Variants in RFTN1 observed in about 807,000 individuals in gnomAD.
RFTN1 encodes raftlin, lipid raft linker 1.
Under a neutral mutation model 46.5 loss-of-function variants are expected in RFTN1, and 26 were observed. The observed-to-expected ratio is 0.56, with a 90% confidence interval of 0.41 to 0.78. The LOEUF (loss-of-function observed/expected upper bound fraction) is 0.78. Ranked by LOEUF, RFTN1 falls within the 30% of genes least tolerant of loss-of-function variation. The probability of loss-of-function intolerance (pLI) is 0.00; values close to 1 mark genes in which losing one functional copy is unlikely to be tolerated. For missense variants in RFTN1, 693 were observed against 718.7 expected (o/e 0.96, Z 0.41); for synonymous variants, 261 against 284.2 (o/e 0.92, Z 0.82).
chr3:16,318,545 C>T (rs776248144), intron 9 of RFTN1, among the ~76,000 whole-genome samples: 11 of 152,124 alleles, frequency 7.2e-5, no homozygotes, highest in African/African-American at 1.7e-4. Context: ...TAGTTTTCCA[C>T]GGTAGAGATC....
chr3:16,353,530 G>T lies in RFTN1; in HGVS notation c.1146+4402C>A, dbSNP rs1312660927. ...CAGCAGCTCACTTGAAAATGTTTTA[G>T]AAATGAAAATTCTTGGGCCCCATCT... On this transcript the variant is annotated intron_variant, in intron 7 of 9. Transcript: ENST00000334133. This position sits in a 1 kb window ranked among gnomAD's most constrained non-coding sequence, Gnocchi z 5.4. Among the ~76,000 whole-genome samples, 1 of 152,182 alleles carries T rather than the reference G, an allele frequency of 6.6e-6. No homozygotes were observed. The highest frequency in any genetic ancestry group is 1.5e-5 in the Non-Finnish European group (1 of 68,024).
intron 1 of RFTN1, among the ~76,000 whole-genome samples, chr3:16,495,397 C>T (rs1394409305): frequency 6.6e-6 from 1 of 152,230 alleles, no homozygotes; most frequent in African/African-American, 2.4e-5. Context: ...CCCAAAGGCT[C>T]GCCAAGTCAC....
At chr3:16,493,899 C>G in intron 1 of RFTN1, 22 bp from the exon 2 acceptor site, 1 of 1,612,026 alleles carries the variant, frequency 6.2e-7, no homozygotes, top group Non-Finnish European at 8.5e-7. Flanking sequence ...AGGAAAAAGG[C>G]GGGGAGGTGA....
intron 4 of RFTN1, among the ~76,000 whole-genome samples, chr3:16,404,310 ATAT>A (rs374846383): frequency 2.6e-5 from 1 of 38,580 alleles, no homozygotes; most frequent in African/African-American, 1.6e-4. Flanking sequence ...TATGTAATAT[ATAT>A]TATATATAAT....
At chr3:16,333,854 C>G (rs1254445319) in intron 7 of RFTN1, among the ~76,000 whole-genome samples, 2 of 152,280 alleles carry the variant, frequency 1.3e-5, no homozygotes, top group East Asian at 3.9e-4. Context: ...AATGCAGAAT[C>G]TCATAAGAAA....
intron 2 of RFTN1, among the ~76,000 whole-genome samples, chr3:16,461,493 G>A (rs1273125228): frequency 6.6e-6 from 1 of 152,090 alleles, no homozygotes; most frequent in Non-Finnish European, 1.5e-5. Context: ...TAAATACCTA[G>A]GGTTTTTCTG....
At position 16,335,248 on chromosome 3, in the gene RFTN1, G is replaced by C. The variant is rs371439097; in HGVS notation, c.1147-8372C>G. 6.6e-6 allele frequency among the ~76,000 whole-genome samples: 1 copy of C among 152,192 alleles called. No homozygotes were observed. Among genetic ancestry groups the C allele is most frequent in the African/African-American group, 2.4e-5 (1 of 41,448 alleles). On this transcript the variant is annotated intron_variant, in intron 7 of 9. Transcript: ENST00000334133. This position sits in a 1 kb window ranked among gnomAD's most constrained non-coding sequence, Gnocchi z 4.7. ...AGGTGCTGACAGATGCAGGGTAGGT[G>C]AAAACTCCTGGAGGGATGAGGCTGG... is the stretch of plus-strand genomic sequence containing the variant.
Position 16,320,788 on chromosome 3 carries a change from G to A in RFTN1, c.1332+2588C>T, listed in dbSNP as rs967238559. Among the ~76,000 whole-genome samples, 1 of 152,216 alleles carries A rather than the reference G, an allele frequency of 6.6e-6. No homozygotes were observed. The highest frequency in any genetic ancestry group is 2.4e-5 in the African/African-American group (1 of 41,460). The stretch of plus-strand genomic sequence containing the variant: ...CCACAGAGAATGGGAGGCTGGCAGA[G>A]GAGGTAAGAGGGACCAGATCCCTTG... On this transcript the variant is annotated intron_variant, in intron 9 of 9. Coordinates refer to ENST00000334133, the MANE Select transcript of RFTN1 (RefSeq NM_015150.2). The surrounding 1 kb of genome is among the most constrained non-coding windows in gnomAD (Gnocchi z 4.5).
intron 4 of RFTN1, among the ~76,000 whole-genome samples, chr3:16,398,244 C>CAAAAAAAAAAAAAAAAAAAAAA (rs202032095): frequency 8.1e-5 from 9 of 110,942 alleles, no homozygotes; most frequent in African/African-American, 2.3e-4. Flanking sequence ...AAGACTGTCT[C>CAAAAAAAAAAAAAAAAAAAAAA]AAAAAAAAAA....
intron 2 of RFTN1, among the ~76,000 whole-genome samples, chr3:16,455,015 G>T (rs2075881268): frequency 6.6e-6 from 1 of 152,194 alleles, no homozygotes; most frequent in Non-Finnish European, 1.5e-5. Context: ...CTCCCATGAA[G>T]ATCCCAGGTC....
Position 16,342,846 on chromosome 3 carries a change from A to AT in RFTN1, c.1146+15085dup, listed in dbSNP as rs1204225413. Among the ~76,000 whole-genome samples, 5 of 152,176 alleles carry AT rather than the reference A, an allele frequency of 3.3e-5. No individual in the cohort carries two copies. In the East Asian group the frequency reaches 9.7e-4, roughly 29 times the overall value. Reference sequence around the variant, plus strand: ...TCCAGTGGCTGCTAGGCCTGGCTGAATTTTTTACATGCAGTTCCCTAATCT... The same window carrying AT: ...TCCAGTGGCTGCTAGGCCTGGCTGAATTTTTTTACATGCAGTTCCCTAATCT... On this transcript the variant is annotated intron_variant, in intron 7 of 9. Transcript: ENST00000334133. The surrounding 1 kb of genome is among the most constrained non-coding windows in gnomAD (Gnocchi z 4.0).
intron 1 of RFTN1, among the ~76,000 whole-genome samples, chr3:16,502,696 C>T (rs771926905): frequency 9.2e-5 from 14 of 152,252 alleles, no homozygotes; most frequent in Admixed American, 5.2e-4. Context: ...AACGAGGCCT[C>T]CTGCCAACAG....
At chr3:16,453,538 C>T (rs2075854605) in intron 2 of RFTN1, among the ~76,000 whole-genome samples, 1 of 152,240 alleles carries the variant, frequency 6.6e-6, no homozygotes, top group Non-Finnish European at 1.5e-5. Context: ...CATCAATAGT[C>T]AGCTTCTTGG....
intron 2 of RFTN1, chr3:16,454,920 A>G: frequency 3.1e-6 from 1 of 322,686 alleles, no homozygotes; most frequent in Non-Finnish European, 4.5e-6. Context: ...TGAAAAAACA[A>G]AAACAAAGGA....
chr3:16,389,905 A>G (rs1301925957), intron 4 of RFTN1, among the ~76,000 whole-genome samples: 1 of 152,212 alleles, frequency 6.6e-6, no homozygotes, highest in East Asian at 1.9e-4. Flanking sequence ...TCAGAATTCC[A>G]TGAACTTCTA....
Position 16,499,633 on chromosome 3 carries a change from A to G in RFTN1, c.-8-5756T>C, listed in dbSNP as rs2076678821. Among the ~76,000 whole-genome samples, 1 of 152,230 alleles carries G rather than the reference A, an allele frequency of 6.6e-6. No homozygotes were observed. Among genetic ancestry groups the G allele is most frequent in the Admixed American group, 6.5e-5 (1 of 15,286 alleles). ...CAAAATAAGCTACTGTTGTTGTTTTAAGCTTCTAAGTTTTGGAGTGGTTCA... is the reference window on the plus strand; with the variant it reads ...CAAAATAAGCTACTGTTGTTGTTTTGAGCTTCTAAGTTTTGGAGTGGTTCA... On this transcript the variant is annotated intron_variant, in intron 1 of 9. Coordinates refer to ENST00000334133, the MANE Select transcript of RFTN1 (RefSeq NM_015150.2). The surrounding 1 kb of genome is among the most constrained non-coding windows in gnomAD (Gnocchi z 4.9).
chr3:16,510,600 C>T (rs2076881251), intron 1 of RFTN1, among the ~76,000 whole-genome samples: 1 of 152,318 alleles, frequency 6.6e-6, no homozygotes, highest in Admixed American at 6.5e-5. Flanking sequence ...ACTAGTCAAA[C>T]CATGCTCTTG....
intron 2 of RFTN1, among the ~76,000 whole-genome samples, chr3:16,470,497 A>G (rs2124947149): frequency 6.6e-6 from 1 of 152,338 alleles, no homozygotes; most frequent in South Asian, 2.1e-4. Context: ...ACACAGGGCT[A>G]CTTCAGCTGG....
chr3:16,511,318 C>T (rs2076898093), intron 1 of RFTN1, among the ~76,000 whole-genome samples: 1 of 152,108 alleles, frequency 6.6e-6, no homozygotes, highest in Non-Finnish European at 1.5e-5. Flanking sequence ...ATATTGAAGT[C>T]AAAATAATAA....
Sources: allele counts gnomAD v4.1 joint callset (sites outside exome capture counted in the v4.1 genomes callset), GRCh38; gene constraint gnomAD v4.1.1; non-coding constraint Gnocchi (gnomAD v3.1); transcripts MANE v1.5; gene names NCBI Gene and HGNC (gene_info 2026-07-23, HGNC 2026-07-21).